The following RAB27B variants were observed in gnomAD, a reference collection of about 807,000 sequenced individuals.
The protein encoded by RAB27B is RAB27B, member RAS oncogene family, also known as ras-related protein Rab-27B.
Under a neutral mutation model 24.6 loss-of-function variants are expected in RAB27B, and 15 were observed. The observed-to-expected ratio is 0.61, with a 90% CI of 0.41 to 0.94. The LOEUF (loss-of-function observed/expected upper bound fraction) is 0.94. RAB27B is among the 40% of genes least tolerant of loss of function. The pLI is 0.00. For missense variants in RAB27B, 261 were observed against 266.8 expected (o/e 0.98, Z 0.15); for synonymous variants, 105 against 92.5 (o/e 1.14, Z -0.78).
chr18:54,776,269 ATT>A (rs1395734283), intron 2 of RAB27B, among the ~76,000 whole-genome samples: 1 of 152,236 alleles, frequency 6.6e-6, no homozygotes, highest in Non-Finnish European at 1.5e-5. Flanking sequence ...ACACTTTTCT[ATT>A]CCACCCCAAC....
At chr18:54,837,638 CT>C (rs1910947407) in intron 1 of RAB27B, among the ~76,000 whole-genome samples, 1 of 151,936 alleles carries the variant, frequency 6.6e-6, no homozygotes, top group South Asian at 2.1e-4. Flanking sequence ...CAAGGAGGTC[CT>C]GGAAAGAAGG....
chr18:54,780,931 C>A (rs1375968829), intron 2 of RAB27B, among the ~76,000 whole-genome samples: 1 of 152,174 alleles, frequency 6.6e-6, no homozygotes, highest in Non-Finnish European at 1.5e-5. Flanking sequence ...TAGTAGTGTT[C>A]TACATAGCCT....
intron 2 of RAB27B, among the ~76,000 whole-genome samples, chr18:54,727,370 A>G (rs1909571845): frequency 6.6e-6 from 1 of 152,204 alleles, no homozygotes; most frequent in African/African-American, 2.4e-5. Context: ...AATGAAAAGC[A>G]AAATGTAAGT....
rs938905232 is a variant in RAB27B at position 54,891,216 on chromosome 18, A to G, written c.*1803A>G. ...CAGATCCAAGGAAATGTCTCTTTAT[A>G]ATGTTCTTAGGATGGACTAGACCCA... On this transcript the variant is annotated 3_prime_UTR_variant, in exon 6 of 6. Coordinates refer to ENST00000262094, the MANE Select transcript of RAB27B (RefSeq NM_004163.4). The G allele has an allele frequency of 6.6e-6, 1 of 152,072 alleles. No homozygotes were observed. Among genetic ancestry groups the G allele is most frequent in the African/African-American group, 2.4e-5 (1 of 41,416 alleles). The allele number at this position is 152,072 out of a possible 1,614,324, so 9.4% of individuals were successfully genotyped here. A position where few individuals can be genotyped will look rare whatever the true frequency, so the allele number is the denominator to read the frequency against.
In RAB27B at chr18:54,752,140, G is replaced by A. The variant is rs540021017; in HGVS notation, c.-20+33999G>A. Reference sequence around the variant, plus strand: ...CTTGCTTTGCATGTAAATTGAGGCAGTGGTGAACATGGTGGTGAGCTCACT... The same window carrying A: ...CTTGCTTTGCATGTAAATTGAGGCAATGGTGAACATGGTGGTGAGCTCACT... On this transcript the variant is annotated intron_variant, in intron 2 of 4. Coordinates refer to the RAB27B transcript ENST00000586570. Among the ~76,000 whole-genome samples the A allele has an allele frequency of 6.6e-5, 10 of 152,352 alleles. No homozygotes were observed. In the South Asian group the frequency reaches 1.9e-3, roughly 28 times the overall value.
At chr18:54,751,322 C>T (rs1211271537) in intron 2 of RAB27B, among the ~76,000 whole-genome samples, 2 of 151,962 alleles carry the variant, frequency 1.3e-5, no homozygotes, top group Non-Finnish European at 2.9e-5. Context: ...GAAAGACACC[C>T]CAAGTTCTAG....
At chr18:54,816,067 G>A (rs754816198) in intron 2 of RAB27B, among the ~76,000 whole-genome samples, 6 of 152,172 alleles carry the variant, frequency 3.9e-5, no homozygotes, top group Admixed American at 1.3e-4. Context: ...TGTATGTGAT[G>A]GCACAAATTC....
At chr18:54,877,507 T>C (rs1912749309) in intron 1 of RAB27B, 60 bp from the exon 2 acceptor site, 1 of 1,237,970 alleles carries the variant, frequency 8.1e-7, no homozygotes, top group Non-Finnish European at 1.1e-6. Context: ...CATATTTTGA[T>C]ATAAAGCAAA....
chr18:54,768,863 C>A (rs1463509701), intron 2 of RAB27B, among the ~76,000 whole-genome samples: 1 of 152,088 alleles, frequency 6.6e-6, no homozygotes, highest in Non-Finnish European at 1.5e-5. Context: ...GGAAACTGCC[C>A]CCATGATCCA....
chr18:54,853,044 C>T (rs779055652), intron 1 of RAB27B, among the ~76,000 whole-genome samples: 12 of 152,162 alleles, frequency 7.9e-5, no homozygotes, highest in African/African-American at 2.2e-4. Flanking sequence ...GAGAGTAGGA[C>T]GGAATTCTAT....
chr18:54,815,428 A>C (rs1910091686), intron 2 of RAB27B, among the ~76,000 whole-genome samples: 1 of 152,184 alleles, frequency 6.6e-6, no homozygotes, highest in Non-Finnish European at 1.5e-5. Flanking sequence ...AAGGACAATG[A>C]TTCTCATTTA....
At chr18:54,820,512 A>G (rs183005158) in intron 2 of RAB27B, among the ~76,000 whole-genome samples, 6 of 152,262 alleles carry the variant, frequency 3.9e-5, no homozygotes, top group Admixed American at 3.3e-4. Context: ...GATTCTGGAT[A>G]TTAGCCCTTT....
chr18:54,810,591 A>T lies in RAB27B; in HGVS notation c.-19-66976A>T, dbSNP rs1474677613. ...ACACCTGTAATCCCAGCACATTGGG[A>T]GGCTGAGGTGGGCAGATCACTTGAG... On this transcript the variant is annotated intron_variant, in intron 2 of 4. Transcript: ENST00000586570. Among the ~76,000 whole-genome samples, 4 of 152,220 alleles carry T rather than the reference A, an allele frequency of 2.6e-5. 1 individual carries two copies. The highest frequency in any genetic ancestry group is 4.8e-5 in the African/African-American group (2 of 41,528).
intron 2 of RAB27B, chr18:54,745,034 C>A: frequency 5.6e-6 from 1 of 179,430 alleles, no homozygotes; most frequent in South Asian, 1.2e-4. Flanking sequence ...CCACTTGAGT[C>A]ACTCCTATTG....
rs896474544 is a variant in RAB27B at position 54,893,892 on chromosome 18, C to T, written c.*4479C>T. The T allele has an allele frequency of 1.3e-5, 2 of 151,802 alleles. No individual in the cohort carries two copies. Among genetic ancestry groups the T allele is most frequent in the Non-Finnish European group, 2.9e-5 (2 of 67,880 alleles). 9.4% of individuals were successfully genotyped at this position (151,802 alleles called of 1,614,324 possible). On this transcript the variant is annotated 3_prime_UTR_variant, in exon 6 of 6. Coordinates refer to ENST00000262094, the MANE Select transcript of RAB27B (RefSeq NM_004163.4). ...GATTTTGAGTCCGAATAAAGAAAGA[C>T]CTAGTAACAGATAGTTTTTTTTTGT... is the stretch of plus-strand genomic sequence containing the variant.
chr18:54,875,275 C>T (rs1912647140), intron 1 of RAB27B, among the ~76,000 whole-genome samples: 1 of 152,036 alleles, frequency 6.6e-6, no homozygotes, highest in African/African-American at 2.4e-5. Flanking sequence ...TGCAGTGAGC[C>T]CTGATCATGC....
At chr18:54,815,949 CTAAA>C (rs1309468684) in intron 2 of RAB27B, among the ~76,000 whole-genome samples, 2 of 152,098 alleles carry the variant, frequency 1.3e-5, no homozygotes, top group East Asian at 3.8e-4. Flanking sequence ...AAATTACCAG[CTAAA>C]TAAATCTTTC....
At chr18:54,800,810 A>G (rs1305282927) in intron 2 of RAB27B, among the ~76,000 whole-genome samples, 1 of 152,032 alleles carries the variant, frequency 6.6e-6, no homozygotes, top group African/African-American at 2.4e-5. Flanking sequence ...TGTTATTATA[A>G]TGCCCACATT....
chr18:54,770,460 A>G (rs1908508204), intron 2 of RAB27B, among the ~76,000 whole-genome samples: 1 of 147,376 alleles, frequency 6.8e-6, no homozygotes, highest in African/African-American at 2.5e-5. Flanking sequence ...GTCTCCCATC[A>G]CCCCCCAGAT....
Sources: allele counts gnomAD v4.1 joint callset (sites outside exome capture counted in the v4.1 genomes callset), GRCh38; gene constraint gnomAD v4.1.1; transcripts MANE v1.5; gene names NCBI Gene and HGNC (gene_info 2026-07-23, HGNC 2026-07-21).